The following CCSER1 variants were observed in gnomAD, a reference collection of about 807,000 sequenced individuals.
CCSER1 encodes the protein coiled-coil serine rich protein 1.
CCSER1 carries 41 observed loss-of-function variants against 82.0 expected under a neutral mutation model. That is an observed-to-expected ratio of 0.50 (90% CI 0.39 to 0.65). The LOEUF is 0.65. Ranked by LOEUF, CCSER1 falls within the 30% of genes least tolerant of loss-of-function variation. The pLI, the probability that CCSER1 is intolerant of heterozygous loss-of-function variation, is 0.00. For synonymous variants in CCSER1, 414 were observed against 383.9 expected, an observed-to-expected ratio of 1.08 and a Z score of -0.92; for missense variants, 1,119 against 1,064.2, an observed-to-expected ratio of 1.05 and a Z score of -0.72.
intron 5 of CCSER1, among the ~76,000 whole-genome samples, chr4:90,548,747 T>TAC (rs1777093596): frequency 7.0e-6 from 1 of 143,266 alleles, no homozygotes; most frequent in East Asian, 2.2e-4. Flanking sequence ...TATATATATA[T>TAC]ATACACACAC....
intron 9 of CCSER1, among the ~76,000 whole-genome samples, chr4:91,005,350 C>T (rs112126951): frequency 2.5e-3 from 386 of 151,828 alleles, no homozygotes; most frequent in African/African-American, 8.6e-3. Context: ...ATATTTAGAC[C>T]ACTTCCAATT....
At chr4:91,053,606 G>A (rs1479596809) in intron 9 of CCSER1, among the ~76,000 whole-genome samples, 1 of 151,996 alleles carries the variant, frequency 6.6e-6, no homozygotes, top group African/African-American at 2.4e-5. Flanking sequence ...TCATGCTTGG[G>A]AATTTATCAA....
intron 1 of CCSER1, among the ~76,000 whole-genome samples, chr4:90,223,749 TA>T (rs1195049906): frequency 1.3e-5 from 2 of 152,156 alleles, no homozygotes; most frequent in Admixed American, 6.5e-5. Flanking sequence ...CAATATAACG[TA>T]AAAAAAGTCT....
At chr4:90,590,090 C>A (rs1218543997) in intron 5 of CCSER1, among the ~76,000 whole-genome samples, 2 of 151,580 alleles carry the variant, frequency 1.3e-5, no homozygotes, top group African/African-American at 4.8e-5. Context: ...CCTGGCCAAC[C>A]TGGAGAAACC....
chr4:90,568,107 C>G (rs1341212646), intron 5 of CCSER1, among the ~76,000 whole-genome samples: 1 of 152,174 alleles, frequency 6.6e-6, no homozygotes, highest in Admixed American at 6.5e-5. Context: ...TGTGGCCTAA[C>G]ATGATCTGTC....
intron 5 of CCSER1, among the ~76,000 whole-genome samples, chr4:90,627,097 A>G (rs191576250): frequency 1.3e-5 from 2 of 152,108 alleles, no homozygotes; most frequent in Non-Finnish European, 2.9e-5. Context: ...TTTATTCCTT[A>G]TTTCATTATA....
chr4:90,671,835 T>A (rs1056635902), intron 6 of CCSER1, among the ~76,000 whole-genome samples: 10 of 152,072 alleles, frequency 6.6e-5, no homozygotes, highest in African/African-American at 2.4e-4. Context: ...TCAAAATTCC[T>A]TCTTGATCCA....
At chr4:90,130,910 C>T (rs1344693939) in intron 1 of CCSER1, among the ~76,000 whole-genome samples, 1 of 152,196 alleles carries the variant, frequency 6.6e-6, no homozygotes, top group Middle Eastern at 3.4e-3. Context: ...TGACCCACTG[C>T]GCCCTGCCCA....
At chr4:91,513,462 T>C (rs556159910) in intron 10 of CCSER1, among the ~76,000 whole-genome samples, 2 of 152,190 alleles carry the variant, frequency 1.3e-5, no homozygotes, top group African/African-American at 2.4e-5. Context: ...GATATCATAG[T>C]GATGCTGGCT....
intron 10 of CCSER1, among the ~76,000 whole-genome samples, chr4:91,128,377 G>A (rs1459160068): frequency 1.3e-5 from 2 of 151,924 alleles, no homozygotes; most frequent in Non-Finnish European, 2.9e-5. Flanking sequence ...AGTTTTCAAA[G>A]ACAGATAGGT....
intron 4 of CCSER1, among the ~76,000 whole-genome samples, chr4:90,467,868 T>A (rs1024949133): frequency 6.6e-6 from 1 of 152,176 alleles, no homozygotes; most frequent in Non-Finnish European, 1.5e-5. Context: ...AGGGTGCTGG[T>A]GATGCACTGT....
At chr4:90,498,968 T>G (rs1769421714) in intron 5 of CCSER1, among the ~76,000 whole-genome samples, 1 of 152,124 alleles carries the variant, frequency 6.6e-6, no homozygotes, top group African/African-American at 2.4e-5. Flanking sequence ...TTATAAGTTT[T>G]AAAAAATCTC....
chr4:90,392,258 C>T (rs1751308139), intron 3 of CCSER1, among the ~76,000 whole-genome samples: 1 of 151,832 alleles, frequency 6.6e-6, no homozygotes, highest in Non-Finnish European at 1.5e-5. Context: ...ATTATATTTA[C>T]TTTATTCCCA....
At chr4:90,252,634 A>G (rs895588407) in intron 1 of CCSER1, among the ~76,000 whole-genome samples, 3 of 151,876 alleles carry the variant, frequency 2.0e-5, no homozygotes, top group South Asian at 2.1e-4. Flanking sequence ...ACAAAAATCC[A>G]CTTATATTAT....
chr4:90,654,290 A>G (rs1729310332), intron 6 of CCSER1, among the ~76,000 whole-genome samples: 1 of 152,164 alleles, frequency 6.6e-6, no homozygotes, highest in Non-Finnish European at 1.5e-5. Flanking sequence ...TTTGTTATCC[A>G]ATGGAATAAC....
intron 10 of CCSER1, among the ~76,000 whole-genome samples, chr4:91,318,400 T>C (rs1308371894): frequency 6.6e-6 from 1 of 152,024 alleles, no homozygotes; most frequent in Non-Finnish European, 1.5e-5. Flanking sequence ...TCCTATTACC[T>C]ACCTACTGGG....
chr4:91,104,467 A>T (rs1302902636), intron 10 of CCSER1, among the ~76,000 whole-genome samples: 2 of 152,100 alleles, frequency 1.3e-5, no homozygotes, highest in African/African-American at 4.8e-5. Flanking sequence ...TTTATTTCCC[A>T]GCTGGCCAAC....
intron 3 of CCSER1, among the ~76,000 whole-genome samples, chr4:90,343,328 C>A (rs763651698): frequency 6.6e-6 from 1 of 152,144 alleles, no homozygotes; most frequent in Admixed American, 6.5e-5. Flanking sequence ...TATTTATCAC[C>A]TAGGTGATTG....
rs1258706826 is a variant in CCSER1 at position 91,604,220 on chromosome 4, A to G, written c.*5163A>G. The G allele has an allele frequency of 6.6e-6, 1 of 152,108 alleles. No homozygotes were observed. The allele number at this position is 152,108 out of a possible 1,614,324, so 9.4% of individuals were successfully genotyped here. ...AACCCTTGAACTTTCCATTTATATCATGCTTATCTCCAGAATAGGATCTCT... is the reference window on the plus strand; with the variant it reads ...AACCCTTGAACTTTCCATTTATATCGTGCTTATCTCCAGAATAGGATCTCT... On this transcript the variant is annotated 3_prime_UTR_variant, in exon 11 of 11. Transcript: ENST00000509176.
Sources: gnomAD v4.1 joint callset for allele counts (sites outside exome capture counted in the v4.1 genomes callset) on GRCh38, gnomAD v4.1.1 for gene constraint, MANE v1.5 for transcripts, NCBI Gene and HGNC (gene_info 2026-07-23, HGNC 2026-07-21) for gene names.